Variants in COL5A1 observed in about 807,000 individuals in gnomAD.
The protein encoded by COL5A1 is collagen alpha-1(V) chain.
A neutral mutation model predicts 263.7 loss-of-function variants in COL5A1; 16 were observed. That is an observed-to-expected ratio of 0.06 (90% confidence interval 0.04 to 0.09). The LOEUF (loss-of-function observed/expected upper bound fraction) is 0.09, where lower values mean the gene tolerates loss of function less well. Ranked by LOEUF, COL5A1 falls within the 10% of genes least tolerant of loss-of-function variation. The pLI is 1.00. For missense variants in COL5A1, 2,036 were observed against 2,540.5 expected (o/e 0.80, Z 4.27); for synonymous variants, 1,012 against 1,004.5 (o/e 1.01, Z -0.14).
intron 58 of COL5A1, among the ~76,000 whole-genome samples, chr9:134,820,613 T>G (rs1464773066): frequency 2.0e-5 from 3 of 151,828 alleles, no homozygotes; most frequent in African/African-American, 7.3e-5. Flanking sequence ...GCGGGCAGAG[T>G]GGCTGTTCTG....
At chr9:134,663,274 A>C (rs1223145302) in intron 1 of COL5A1, among the ~76,000 whole-genome samples, 6 of 152,346 alleles carry the variant, frequency 3.9e-5, no homozygotes, top group African/African-American at 1.4e-4. Context: ...TCCTGGAGTC[A>C]GTGTGTGGTG....
intron 1 of COL5A1, among the ~76,000 whole-genome samples, chr9:134,644,356 T>G (rs1298569170): frequency 1.3e-4 from 1 of 7,840 alleles, no homozygotes; most frequent in Non-Finnish European, 2.1e-4. Context: ...ATGCAGGCGC[T>G]GGGGGGAGGG....
In COL5A1 at chr9:134,830,099, A is replaced by G. The variant is rs374114460; in HGVS notation, c.5136+55A>G. ...GTCACTTTAAACCCGCCCATCTCGT[A>G]TCTTACAGAGTAAAATGGCCCGCTG... On this transcript the variant is annotated intron_variant, in intron 64 of 65. Coordinates refer to ENST00000371817, the MANE Select transcript of COL5A1 (RefSeq NM_000093.5). The G allele has an allele frequency of 1.1e-4, 174 of 1,613,238 alleles. No homozygotes were observed. Among genetic ancestry groups the G allele is most frequent in the Non-Finnish European group, 1.4e-4 (168 of 1,179,732 alleles).
chr9:134,776,988 C>A (rs1265206201), intron 27 of COL5A1, among the ~76,000 whole-genome samples: 1 of 152,202 alleles, frequency 6.6e-6, no homozygotes, highest in African/African-American at 2.4e-5. Flanking sequence ...CTCCCCACAG[C>A]CCCACCTCCT....
Position 134,824,864 on chromosome 9 carries a change from C to T in COL5A1, c.4954+9C>T. 1 of 1,608,818 alleles carries T rather than the reference C, an allele frequency of 6.2e-7. No individual in the cohort carries two copies. The highest frequency in any genetic ancestry group is 8.5e-7 in the Non-Finnish European group (1 of 1,178,536). On this transcript the variant is annotated intron_variant, in intron 62 of 65. Transcript: ENST00000371817. Reference sequence around the variant, plus strand: ...CCCCGACTTCCCAGATGGTGAGGGCCTGGGGGGGCAGGGGTGGCCCCCCAA... The same window carrying T: ...CCCCGACTTCCCAGATGGTGAGGGCTTGGGGGGGCAGGGGTGGCCCCCCAA...
rs1452827531 is a variant in COL5A1, at chr9:134,647,171, C to T, written c.109+4875C>T. Among the ~76,000 whole-genome samples the T allele has an allele frequency of 6.6e-6, 1 of 152,164 alleles. No individual in the cohort carries two copies. The highest frequency in any genetic ancestry group is 1.5e-5 in the Non-Finnish European group (1 of 68,020). On this transcript the variant is annotated intron_variant, in intron 1 of 65. Coordinates refer to ENST00000371817, the MANE Select transcript of COL5A1 (RefSeq NM_000093.5). This position sits in a 1 kb window ranked among gnomAD's most constrained non-coding sequence, Gnocchi z 5.0. ...AGGTGTGCCTGTGTGGGGCCTGGCC[C>T]TGCTGAGACCCCTGGGGCTCTGCTG...
At chr9:134,721,723 C>T (rs1220611757) in intron 4 of COL5A1, among the ~76,000 whole-genome samples, 5 of 152,244 alleles carry the variant, frequency 3.3e-5, no homozygotes, top group African/African-American at 9.6e-5. Context: ...AGCGCTAGCT[C>T]GTGCAGCCAT....
intron 1 of COL5A1, among the ~76,000 whole-genome samples, chr9:134,673,636 G>GT (rs750899930): frequency 2.6e-5 from 4 of 152,110 alleles, no homozygotes; most frequent in Middle Eastern, 3.4e-3. Context: ...AAAATCTTGA[G>GT]TTTTTTTACC....
chr9:134,649,065 G>A (rs781244167), intron 1 of COL5A1, among the ~76,000 whole-genome samples: 4 of 152,042 alleles, frequency 2.6e-5, no homozygotes, highest in Non-Finnish European at 5.9e-5. Flanking sequence ...AGGTGTTCCA[G>A]GCAGGGGTGG....
intron 16 of COL5A1, 60 bp from the exon 17 acceptor site, chr9:134,756,705 C>T (rs1835988965): frequency 6.4e-7 from 1 of 1,560,054 alleles, no homozygotes; most frequent in Non-Finnish European, 8.8e-7. Context: ...AAACCATGGC[C>T]CGGGGGTCTC....
rs544090411 is a variant in COL5A1, at chr9:134,788,602, C to G, written c.2647-553C>G. Among the ~76,000 whole-genome samples, 6 of 144,052 alleles carry G rather than the reference C, an allele frequency of 4.2e-5. No homozygotes were observed. The East Asian group carries it at 8.6e-4, about 21-fold the overall frequency. The allele number at this position is 144,052 out of a possible 152,430, so 94.5% of individuals were successfully genotyped here. A position where few individuals can be genotyped will look rare whatever the true frequency, so the allele number is the denominator to read the frequency against. ...GTGGGTGGGTGGGTAGGTGGATAGACAGATAGATGGATAGAGAGATAGATG... is the reference window on the plus strand; with the variant it reads ...GTGGGTGGGTGGGTAGGTGGATAGAGAGATAGATGGATAGAGAGATAGATG... On this transcript the variant is annotated intron_variant, in intron 31 of 65. Transcript: ENST00000371817.
At chr9:134,775,486 G>A (rs936212440) in intron 27 of COL5A1, among the ~76,000 whole-genome samples, 3 of 152,204 alleles carry the variant, frequency 2.0e-5, no homozygotes, top group Non-Finnish European at 4.4e-5. Flanking sequence ...TGACAACCTC[G>A]TTACATGGGG....
At chr9:134,798,846 G>A (rs909257481) in intron 37 of COL5A1, among the ~76,000 whole-genome samples, 1 of 152,328 alleles carries the variant, frequency 6.6e-6, no homozygotes, top group South Asian at 2.1e-4. Flanking sequence ...TACCCCGCTT[G>A]AGGGATACGT....
chr9:134,834,190 A>G (rs1249896013), intron 64 of COL5A1, among the ~76,000 whole-genome samples: 1 of 152,000 alleles, frequency 6.6e-6, no homozygotes, highest in Non-Finnish European at 1.5e-5. Flanking sequence ...CTGGCCCTGC[A>G]CCCCTCTACT....
intron 4 of COL5A1, among the ~76,000 whole-genome samples, chr9:134,721,445 A>G (rs141917791): frequency 3.3e-5 from 5 of 152,070 alleles, no homozygotes; most frequent in African/African-American, 1.2e-4. Context: ...TCCCATCACT[A>G]TCTCGTCTCT....
intron 37 of COL5A1, among the ~76,000 whole-genome samples, chr9:134,800,428 G>A (rs1214068829): frequency 1.3e-5 from 2 of 152,098 alleles, no homozygotes; most frequent in South Asian, 2.1e-4. Context: ...TTAAAGAGGC[G>A]AGCCCTCCTA....
intron 61 of COL5A1, 105 bp downstream of exon 61, chr9:134,823,574 G>A: frequency 8.2e-7 from 1 of 1,225,774 alleles, no homozygotes; most frequent in Non-Finnish European, 1.2e-6. Flanking sequence ...GACTCATGAA[G>A]CCCATGTGGC....
At chr9:134,830,201 A>T in intron 64 of COL5A1, 157 bp downstream of exon 64, 1 of 1,595,472 alleles carries the variant, frequency 6.3e-7, no homozygotes, top group Non-Finnish European at 8.5e-7. Context: ...CGGCCCGGCC[A>T]CCTCGGCACT....
intron 1 of COL5A1, among the ~76,000 whole-genome samples, chr9:134,667,902 C>T (rs556133965): frequency 6.6e-6 from 1 of 152,328 alleles, no homozygotes; most frequent in African/African-American, 2.4e-5. Flanking sequence ...TGGAACATGA[C>T]ATTTCCCCCA....
Sources: allele counts gnomAD v4.1 joint callset (sites outside exome capture counted in the v4.1 genomes callset), GRCh38; gene constraint gnomAD v4.1.1; non-coding constraint Gnocchi (gnomAD v3.1); transcripts MANE v1.5; gene names NCBI Gene and HGNC (gene_info 2026-07-23, HGNC 2026-07-21).